USP47: variants seen among roughly 807,000 people sequenced by gnomAD.
The protein encoded by USP47 is ubiquitin carboxyl-terminal hydrolase 47.
Under a neutral mutation model 165.1 loss-of-function variants are expected in USP47, and 35 were observed. The ratio of observed to expected loss-of-function variants is 0.21; its 90% CI spans 0.16 to 0.28. The LOEUF (loss-of-function observed/expected upper bound fraction) is 0.28, where lower values mean the gene tolerates loss of function less well. Among genes scored for constraint, USP47 ranks in the 10% least tolerant of loss-of-function variants. The pLI, the probability that USP47 is intolerant of heterozygous loss-of-function variation, is 1.00. For synonymous variants in USP47, 531 were observed against 544.5 expected, an observed-to-expected ratio of 0.98 and a Z score of 0.35; for missense variants, 1,277 against 1,607.4, an observed-to-expected ratio of 0.79 and a Z score of 3.52.
chr11:11,887,116 C>G (rs998435429), intron 3 of USP47, among the ~76,000 whole-genome samples: 2 of 152,158 alleles, frequency 1.3e-5, no homozygotes, highest in African/African-American at 4.8e-5. Flanking sequence ...TGTTACCAGC[C>G]AGTACAAAAA....
intron 19 of USP47, 66 bp from the exon 20 acceptor site, chr11:11,942,269 A>AATG: frequency 5.5e-6 from 8 of 1,456,546 alleles, no homozygotes; most frequent in South Asian, 1.4e-5. Flanking sequence ...GATGCAATAT[A>AATG]ATGATGATGA....
rs1219404104 is a variant in USP47 at position 11,935,619 on chromosome 11, A to G, written c.1870-684A>G. The stretch of plus-strand genomic sequence containing the variant: ...GTCCTTCTTGAAACTCATAATCACA[A>G]CCTTAAATGAACATTGAATACTTCT... On this transcript the variant is annotated intron_variant, in intron 16 of 27. Transcript: ENST00000527733. Among the ~76,000 whole-genome samples, 5 of 151,932 alleles carry G rather than the reference A, an allele frequency of 3.3e-5. No homozygotes were observed. The South Asian group carries it at 6.2e-4, about 19-fold the overall frequency.
At chr11:11,950,202 G>T (rs1488390847) in intron 23 of USP47, among the ~76,000 whole-genome samples, 162 bp from the exon 24 acceptor site, 1 of 152,078 alleles carries the variant, frequency 6.6e-6, no homozygotes, top group Non-Finnish European at 1.5e-5. Flanking sequence ...TTCTAAATTT[G>T]AATTACTGGA....
intron 2 of USP47, 116 bp downstream of exon 2, chr11:11,880,496 A>G: frequency 1.3e-6 from 1 of 743,414 alleles, no homozygotes; most frequent in Non-Finnish European, 1.9e-6. Context: ...TATAACAACT[A>G]CAGTAAGAGC....
intron 25 of USP47, among the ~76,000 whole-genome samples, chr11:11,953,697 A>T (rs1219884594): frequency 6.6e-6 from 1 of 152,198 alleles, no homozygotes; most frequent in Non-Finnish European, 1.5e-5. Flanking sequence ...GACGGAACAA[A>T]TCTAATTTTA....
chr11:11,850,151 T>G (rs1848644282), intron 1 of USP47, among the ~76,000 whole-genome samples: 1 of 152,176 alleles, frequency 6.6e-6, no homozygotes, highest in Non-Finnish European at 1.5e-5. Flanking sequence ...ATTTATCTCA[T>G]AAATTCTGCA....
At chr11:11,865,039 T>G (rs1849592766) in intron 1 of USP47, among the ~76,000 whole-genome samples, 1 of 152,160 alleles carries the variant, frequency 6.6e-6, no homozygotes, top group Admixed American at 6.5e-5. Context: ...TTTACCCTTA[T>G]AGTTAAGATG....
chr11:11,948,381 ATAATC>A, intron 21 of USP47, 92 bp from the exon 22 acceptor site: 2 of 1,075,168 alleles, frequency 1.9e-6, no homozygotes, highest in Non-Finnish European at 2.8e-6. Flanking sequence ...CAGAGAGCCT[ATAATC>A]TAGAGTATTT....
At chr11:11,939,589 A>G (rs1855324349) in intron 18 of USP47, among the ~76,000 whole-genome samples, 1 of 152,058 alleles carries the variant, frequency 6.6e-6, no homozygotes, top group East Asian at 1.9e-4. Flanking sequence ...GTAAATGCAT[A>G]CTATGTTGGT....
At chr11:11,914,953 A>G (rs569421463) in intron 8 of USP47, among the ~76,000 whole-genome samples, 3 of 152,316 alleles carry the variant, frequency 2.0e-5, no homozygotes, top group Admixed American at 1.3e-4. Flanking sequence ...TGCAGTTACC[A>G]TAAACTCTAG....
chr11:11,902,631 AC>A (rs1396819682), intron 5 of USP47, 83 bp from the exon 6 acceptor site: 1 of 1,029,904 alleles, frequency 9.7e-7, no homozygotes, highest in Non-Finnish European at 1.3e-6. Context: ...TTAAAATCTT[AC>A]ATTATTATGA....
intron 1 of USP47, among the ~76,000 whole-genome samples, chr11:11,855,079 A>G (rs1437893165): frequency 3.3e-5 from 5 of 151,752 alleles, no homozygotes; most frequent in Non-Finnish European, 7.4e-5. Flanking sequence ...TGGGCGACAG[A>G]GCGAGACTCC....
At position 11,954,930 on chromosome 11, in the gene USP47, A is replaced by G. The variant is rs1274508442; in HGVS notation, c.3748A>G (p.Ile1250Val). The change falls in exon 26 of 28, where the codon ATT becomes GTT. Residue 1250 changes from isoleucine (I) to valine (V), a missense_variant. Physicochemically the swap from Ile to Val is conservative, Grantham distance 29 (BLOSUM62 3). This residue lies in a region of USP47 where 909 missense variants were observed against 1,068.1 expected (regional missense o/e 0.85). Coordinates refer to ENST00000527733, the MANE Select transcript of USP47 (RefSeq NM_001282659.2). The stretch of plus-strand genomic sequence containing the variant: ...AATCAGTGGGATTCCTTTGGATGAT[A>G]TTGAATTTGCTAAGGTAAAGCCCTG... The part of the protein sequence containing the change: ...SEISGIPLDD[I>V]EFAKGRGTFP... 6.2e-7 allele frequency: 1 copy of G among 1,613,930 alleles called. No individual in the cohort carries two copies. The highest frequency in any genetic ancestry group is 1.1e-5 in the South Asian group (1 of 91,068).
chr11:11,941,919 T>C (rs768192966), intron 19 of USP47, among the ~76,000 whole-genome samples: 23 of 152,102 alleles, frequency 1.5e-4, no homozygotes, highest in Admixed American at 1.5e-3. Flanking sequence ...TTTGGTGTTA[T>C]ATTCACAAGG....
chr11:11,931,189 AT>A (rs1194632873), intron 14 of USP47, among the ~76,000 whole-genome samples: 1 of 151,978 alleles, frequency 6.6e-6, no homozygotes, highest in Admixed American at 6.6e-5. Flanking sequence ...ATTAAAAAAA[AT>A]ATAATCACAA....
chr11:11,850,827 G>A (rs570010490), intron 1 of USP47, among the ~76,000 whole-genome samples: 6 of 152,334 alleles, frequency 3.9e-5, no homozygotes, highest in African/African-American at 1.2e-4. Flanking sequence ...AAAGGTGCCG[G>A]CAGATTTGGT....
intron 1 of USP47, among the ~76,000 whole-genome samples, chr11:11,853,884 T>G (rs937442155): frequency 2.6e-5 from 4 of 152,072 alleles, no homozygotes; most frequent in Non-Finnish European, 5.9e-5. Context: ...CCCAGCACTT[T>G]GGGAGGCCGA....
At chr11:11,897,505 C>T (rs1851922392) in intron 4 of USP47, 92 bp from the exon 5 acceptor site, 10 of 985,918 alleles carry the variant, frequency 1.0e-5, no homozygotes, top group Non-Finnish European at 1.5e-5. Context: ...ACTTTAACCT[C>T]TGAATCTTTA....
At chr11:11,867,293 T>C (rs1007909505) in intron 1 of USP47, among the ~76,000 whole-genome samples, 4 of 152,196 alleles carry the variant, frequency 2.6e-5, no homozygotes, top group African/African-American at 9.7e-5. Context: ...CATTGGTTCC[T>C]GAAGGGTTCT....
Sources: allele counts gnomAD v4.1 joint callset (sites outside exome capture counted in the v4.1 genomes callset), GRCh38; gene constraint gnomAD v4.1.1; regional missense constraint gnomAD v4.1.1; transcripts MANE v1.5; gene names NCBI Gene and HGNC (gene_info 2026-07-23, HGNC 2026-07-21).